Variants in XPO1 observed in about 807,000 individuals in gnomAD.
XPO1 encodes the protein exportin 1, also known as exportin-1.
In XPO1, 5 loss-of-function variants were observed where a neutral mutation model predicts 133.3. The observed-to-expected ratio is 0.04, with a 90% CI of 0.02 to 0.08. XPO1 has a LOEUF of 0.08. XPO1 is among the 10% of genes least tolerant of loss of function. The pLI, the probability that XPO1 is intolerant of heterozygous loss-of-function variation, is 1.00. For missense variants in XPO1, 506 were observed against 1,267.5 expected (o/e 0.40, Z 9.12); for synonymous variants, 419 against 408.2 (o/e 1.03, Z -0.32).
At chr2:61,535,900 A>G (rs1486627484) in intron 1 of XPO1, among the ~76,000 whole-genome samples, 1 of 152,244 alleles carries the variant, frequency 6.6e-6, no homozygotes, top group East Asian at 1.9e-4. Context: ...AAAAGATCAG[A>G]ACAATCTTAA....
intron 4 of XPO1, among the ~76,000 whole-genome samples, chr2:61,519,241 G>A (rs1029967287): frequency 6.6e-6 from 1 of 152,116 alleles, no homozygotes; most frequent in Non-Finnish European, 1.5e-5. Flanking sequence ...GAGCCACCGT[G>A]CTGAGCCTAT....
At chr2:61,513,391 A>G (rs1252906452) in intron 4 of XPO1, among the ~76,000 whole-genome samples, 1 of 137,042 alleles carries the variant, frequency 7.3e-6, no homozygotes, top group East Asian at 2.1e-4. Context: ...TTTGAGAGAG[A>G]GTCTTGCTCT....
At chr2:61,518,732 G>C (rs192980759) in intron 4 of XPO1, among the ~76,000 whole-genome samples, 40 of 152,154 alleles carry the variant, frequency 2.6e-4, no homozygotes, top group Middle Eastern at 6.8e-3. Flanking sequence ...GACTAAAACA[G>C]CCAAGTGTAA....
Position 61,477,868 on chromosome 2 carries a change from C to T in XPO1, c.*952G>A, listed in dbSNP as rs1465427881. 1 of 198,252 alleles carries T rather than the reference C, an allele frequency of 5.0e-6. No homozygotes were observed. The highest frequency in any genetic ancestry group is 2.3e-5 in the African/African-American group (1 of 43,368). The allele number at this position is 198,252 out of a possible 1,614,324, so 12.3% of individuals were successfully genotyped here. A position where few individuals can be genotyped will look rare whatever the true frequency, so the allele number is the denominator to read the frequency against. On this transcript the variant is annotated 3_prime_UTR_variant, in exon 25 of 25. Coordinates refer to ENST00000401558, the MANE Select transcript of XPO1 (RefSeq NM_003400.4). ...GGGTCCAACTTCATTTAAAATGTTA[C>T]TTGATGCTTAAACACAAATACCCAC...
chr2:61,478,574 G>C lies in XPO1; in HGVS notation c.*246C>G. 2.4e-6 allele frequency: 1 copy of C among 423,130 alleles called. No individual in the cohort carries two copies. Among genetic ancestry groups the C allele is most frequent in the Non-Finnish European group, 4.1e-6 (1 of 246,102 alleles). The allele number at this position is 423,130 out of a possible 1,614,324, so 26.2% of individuals were successfully genotyped here. On this transcript the variant is annotated 3_prime_UTR_variant, in exon 25 of 25. Coordinates refer to ENST00000401558, the MANE Select transcript of XPO1 (RefSeq NM_003400.4). ...GCCCAGCCACAAAAATGGGCATGAA[G>C]TAAAATTTTTAAAAATGCCTTAATT...
intron 23 of XPO1, among the ~76,000 whole-genome samples, 186 bp from the exon 24 acceptor site, chr2:61,481,467 T>G (rs1696352700): frequency 6.6e-6 from 1 of 152,070 alleles, no homozygotes; most frequent in Non-Finnish European, 1.5e-5. Flanking sequence ...AAGAATTTTT[T>G]TTTAATTTTT....
intron 16 of XPO1, 80 bp downstream of exon 16, chr2:61,491,955 C>A: frequency 6.8e-7 from 1 of 1,477,138 alleles, no homozygotes; most frequent in Non-Finnish European, 9.2e-7. Context: ...CCAATAGTTG[C>A]CCTCCTATTT....
At chr2:61,520,706 C>G (rs1462325985) in intron 4 of XPO1, among the ~76,000 whole-genome samples, 1 of 152,140 alleles carries the variant, frequency 6.6e-6, no homozygotes, top group African/African-American at 2.4e-5. Flanking sequence ...ACAAATGTAA[C>G]TACAGTGTTG....
chr2:61,528,462 A>G (rs1210792108), intron 2 of XPO1, among the ~76,000 whole-genome samples: 5 of 151,870 alleles, frequency 3.3e-5, no homozygotes, highest in African/African-American at 1.2e-4. Flanking sequence ...GCGAAACCCC[A>G]TCTCTACTAA....
rs1406769752 is a variant in XPO1 at position 61,483,899 on chromosome 2, T to C, written c.2677+38A>G. 10 of 1,597,208 alleles carry C rather than the reference T, an allele frequency of 6.3e-6. No homozygotes were observed. In the Admixed American group the frequency reaches 1.2e-4, roughly 19 times the overall value. ...AATTAACTATATTTGTATTTTTGGA[T>C]TGGCAGGCAAATGAATAAAAGAACA... On this transcript the variant is annotated intron_variant, in intron 21 of 24. Coordinates refer to ENST00000401558, the MANE Select transcript of XPO1 (RefSeq NM_003400.4).
At chr2:61,493,162 A>T in intron 12 of XPO1, 109 bp from the exon 13 acceptor site, 2 of 1,110,626 alleles carry the variant, frequency 1.8e-6, no homozygotes, top group Non-Finnish European at 2.5e-6. Flanking sequence ...CAAGCCAGCC[A>T]TGTGTAGGGA....
At chr2:61,482,620 T>G (rs1474076020) in intron 22 of XPO1, 81 bp from the exon 23 acceptor site, 4 of 1,303,872 alleles carry the variant, frequency 3.1e-6, no homozygotes, top group African/African-American at 1.5e-5. Context: ...TTGTTTTTTT[T>G]TTTTAGACGG....
At chr2:61,529,064 A>G (rs1391090683) in intron 2 of XPO1, among the ~76,000 whole-genome samples, 2 of 151,324 alleles carry the variant, frequency 1.3e-5, no homozygotes, top group Non-Finnish European at 3.0e-5. Flanking sequence ...TGGGACACGC[A>G]CTTATGGTCC....
intron 2 of XPO1, among the ~76,000 whole-genome samples, chr2:61,529,414 T>G (rs550945010): frequency 3.3e-5 from 5 of 152,068 alleles, no homozygotes; most frequent in African/African-American, 1.2e-4. Flanking sequence ...TCCCAACACT[T>G]TGGGTGGCCA....
intron 4 of XPO1, among the ~76,000 whole-genome samples, chr2:61,521,607 ACTACAC>A (rs1313363031): frequency 6.6e-6 from 1 of 152,186 alleles, no homozygotes; most frequent in East Asian, 1.9e-4. Context: ...AACAGGTATC[ACTACAC>A]CTTCATTTTC....
At chr2:61,481,504 G>C (rs186311198) in intron 23 of XPO1, among the ~76,000 whole-genome samples, 1 of 151,900 alleles carries the variant, frequency 6.6e-6, no homozygotes, top group East Asian at 1.9e-4. Flanking sequence ...CGTTTACCAG[G>C]TTGGAGTACA....
Position 61,483,809 on chromosome 2 carries a change from C to T in XPO1, c.2677+128G>A, listed in dbSNP as rs1696534834. Reference sequence around the variant, plus strand: ...TTGATTAAACTGCTTATAGGATTTTCTCAGATGTTCATATATGTAATTCAC... The same window carrying T: ...TTGATTAAACTGCTTATAGGATTTTTTCAGATGTTCATATATGTAATTCAC... On this transcript the variant is annotated intron_variant, in intron 21 of 24. Coordinates refer to ENST00000401558, the MANE Select transcript of XPO1 (RefSeq NM_003400.4). 3.7e-6 allele frequency: 4 copies of T among 1,067,092 alleles called. No individual in the cohort carries two copies. The African/African-American group carries it at 4.9e-5, about 13-fold the overall frequency. 66.1% of individuals were successfully genotyped at this position (1,067,092 alleles called of 1,614,324 possible).
In XPO1 at chr2:61,499,813, A is replaced by G; in HGVS notation, c.490T>C (p.Cys164Arg). Residue 164 changes from cysteine (C) to arginine (R), a missense_variant, in exon 7 of 25, where the codon TGT becomes CGT. This residue lies in a region of XPO1 where 68 missense variants were observed against 210.5 expected (regional missense o/e 0.32). Transcript: ENST00000401558. ...TTAAGAATCACCATATTATTTTGAC[A>G]GAGACTTTCGCTGGTCCTACTTGCT... ...VGASRTSESL[C>R]QNNMVILKLL... 6.2e-7 allele frequency: 1 copy of G among 1,613,598 alleles called. No individual in the cohort carries two copies. Among genetic ancestry groups the G allele is most frequent in the Non-Finnish European group, 8.5e-7 (1 of 1,179,900 alleles).
At chr2:61,532,943 C>T (rs548825362) in intron 2 of XPO1, among the ~76,000 whole-genome samples, 3 of 152,090 alleles carry the variant, frequency 2.0e-5, no homozygotes, top group African/African-American at 4.8e-5. Context: ...TTTGGGAGGC[C>T]GAGTCAGGTG....
Sources: allele counts gnomAD v4.1 joint callset (sites outside exome capture counted in the v4.1 genomes callset), GRCh38; gene constraint gnomAD v4.1.1; regional missense constraint gnomAD v4.1.1; transcripts MANE v1.5; gene names NCBI Gene and HGNC (gene_info 2026-07-23, HGNC 2026-07-21).